Variants in PPIG observed in about 807,000 individuals in gnomAD.
The protein encoded by PPIG is peptidyl-prolyl cis-trans isomerase G.
A neutral mutation model predicts 87.9 loss-of-function variants in PPIG; 26 were observed. The observed-to-expected ratio is 0.30, with a 90% CI of 0.22 to 0.41. PPIG has a LOEUF of 0.41. Among genes scored for constraint, PPIG ranks in the 10% least tolerant of loss-of-function variants. The pLI is 1.00. For synonymous variants in PPIG, 308 were observed against 276.5 expected (o/e 1.11, Z -1.13); for missense variants, 722 against 879.4 (o/e 0.82, Z 2.26).
rs1002294715 is a variant in PPIG, at chr2:169,630,791, A to G, written c.565A>G (p.Lys189Glu). The part of the protein sequence containing the change: ...PKSKVKKEEK[K>E]RHKSSSSSSS... ...TATTAAAGTTAAGAAAGAAGAAAAGAAAAGGCATAAATCATCATCATCTTC... is the reference window on the plus strand; with the variant it reads ...TATTAAAGTTAAGAAAGAAGAAAAGGAAAGGCATAAATCATCATCATCTTC... Residue 189 changes from lysine to glutamate, a missense_variant, in exon 10 of 14, where the codon AAA (lysine) becomes GAA (glutamate). Physicochemically the swap from Lys to Glu is moderately conservative, Grantham distance 56. Transcript: ENST00000260970. The G allele has an allele frequency of 3.8e-6, 6 of 1,596,190 alleles. No individual in the cohort carries two copies. Among genetic ancestry groups the G allele is most frequent in the Non-Finnish European group, 5.1e-6 (6 of 1,175,558 alleles).
intron 9 of PPIG, among the ~76,000 whole-genome samples, chr2:169,620,913 A>G (rs1409115691): frequency 6.6e-6 from 1 of 152,150 alleles, no homozygotes; most frequent in Non-Finnish European, 1.5e-5. Flanking sequence ...GGGAATAATA[A>G]TATCAGTAAT....
chr2:169,616,503 G>C (rs1022005079), intron 9 of PPIG, among the ~76,000 whole-genome samples: 2 of 152,112 alleles, frequency 1.3e-5, no homozygotes, highest in Non-Finnish European at 2.9e-5. Flanking sequence ...ATCCTCTCCG[G>C]CATCTGTTGT....
intron 9 of PPIG, among the ~76,000 whole-genome samples, chr2:169,625,618 GA>G (rs1312516075): frequency 6.6e-6 from 1 of 151,974 alleles, no homozygotes; most frequent in Non-Finnish European, 1.5e-5. Context: ...TATATGAACC[GA>G]TTGTTGATTC....
chr2:169,622,599 T>C (rs915691261), intron 9 of PPIG, among the ~76,000 whole-genome samples: 6 of 152,208 alleles, frequency 3.9e-5, no homozygotes, highest in African/African-American at 9.6e-5. Flanking sequence ...TTTATTAATA[T>C]GTATCTGCCC....
rs972483421 is a variant in PPIG, at chr2:169,639,755, A to G, written c.*2232A>G. ...TAAACAGCATTAACTGTACCTCAGGATCTGCGCATGCATCTGAATAGCACA... is the reference window on the plus strand; with the variant it reads ...TAAACAGCATTAACTGTACCTCAGGGTCTGCGCATGCATCTGAATAGCACA... On this transcript the variant is annotated 3_prime_UTR_variant, in exon 14 of 14. Coordinates refer to ENST00000260970, the MANE Select transcript of PPIG (RefSeq NM_004792.3). The G allele has an allele frequency of 1.3e-5, 2 of 152,164 alleles. No homozygotes were observed. Among genetic ancestry groups the G allele is most frequent in the Non-Finnish European group, 2.9e-5 (2 of 67,996 alleles). The allele number at this position is 152,164 out of a possible 1,614,324, so 9.4% of individuals were successfully genotyped here. A position where few individuals can be genotyped will look rare whatever the true frequency, so the allele number is the denominator to read the frequency against.
chr2:169,625,597 A>G (rs1050303677), intron 9 of PPIG, among the ~76,000 whole-genome samples: 4 of 151,886 alleles, frequency 2.6e-5, no homozygotes, highest in African/African-American at 9.7e-5. Flanking sequence ...AGAGCTATTT[A>G]TGTTTCTTTT....
intron 1 of PPIG, among the ~76,000 whole-genome samples, chr2:169,588,716 C>CT (rs1371871774): frequency 6.6e-6 from 1 of 152,020 alleles, no homozygotes; most frequent in African/African-American, 2.4e-5. Context: ...AATCCCGACA[C>CT]TTTGGGAGGC....
chr2:169,605,051 C>A (rs757114135), intron 4 of PPIG, among the ~76,000 whole-genome samples: 1 of 151,270 alleles, frequency 6.6e-6, no homozygotes, highest in East Asian at 2.0e-4. Flanking sequence ...TGCAAATAAT[C>A]GGCCAGGCGT....
At chr2:169,633,089 A>G in intron 11 of PPIG, 71 bp from the exon 12 acceptor site, 1 of 1,196,234 alleles carries the variant, frequency 8.4e-7, no homozygotes, top group Non-Finnish European at 1.2e-6. Flanking sequence ...ATTCATTTTT[A>G]TTAAAGTAAC....
chr2:169,606,731 A>G (rs1318274481), intron 5 of PPIG, among the ~76,000 whole-genome samples: 1 of 152,068 alleles, frequency 6.6e-6, no homozygotes, highest in Non-Finnish European at 1.5e-5. Context: ...TGATTTTGTC[A>G]CAAGTGGTAA....
chr2:169,608,008 C>T (rs1685379958), intron 6 of PPIG, among the ~76,000 whole-genome samples: 3 of 152,266 alleles, frequency 2.0e-5, no homozygotes, highest in South Asian at 4.1e-4. Flanking sequence ...GCTAGGACTA[C>T]AGCCACACTA....
chr2:169,636,768 T>A lies in PPIG; in HGVS notation c.1510T>A (p.Ser504Thr). The change falls in exon 14 of 14, where the codon TCT becomes ACT. Residue 504 changes from serine (S) to threonine (T), a missense_variant. Physicochemically the swap from Ser to Thr is moderately conservative, Grantham distance 58. Coordinates refer to ENST00000260970, the MANE Select transcript of PPIG (RefSeq NM_004792.3). ...HENVKEKEKQ[S>T]DSKGKDQERS... ...AAATGTTAAAGAAAAAGAAAAGCAG[T>A]CTGATTCTAAAGGAAAAGATCAGGA... is the stretch of plus-strand genomic sequence containing the variant. 6.2e-7 allele frequency: 1 copy of A among 1,612,146 alleles called. No individual in the cohort carries two copies. The highest frequency in any genetic ancestry group is 1.3e-5 in the African/African-American group (1 of 74,780).
intron 1 of PPIG, among the ~76,000 whole-genome samples, chr2:169,596,506 C>T (rs1255729698): frequency 6.6e-6 from 1 of 152,184 alleles, no homozygotes; most frequent in African/African-American, 2.4e-5. Context: ...GAAAGCTCAC[C>T]TCACCTCCTT....
At chr2:169,626,492 A>T (rs1344212977) in intron 9 of PPIG, among the ~76,000 whole-genome samples, 2 of 148,334 alleles carry the variant, frequency 1.3e-5, no homozygotes, top group African/African-American at 5.0e-5. Flanking sequence ...CTCCCAGTTC[A>T]AGAGATTCTC....
chr2:169,601,922 A>T (rs138407901), intron 1 of PPIG, among the ~76,000 whole-genome samples: 324 of 151,966 alleles, frequency 2.1e-3, no homozygotes, highest in African/African-American at 7.4e-3. Context: ...AAAAAAACTC[A>T]GTAACATTTT....
At chr2:169,616,360 C>T (rs1685609010) in intron 9 of PPIG, among the ~76,000 whole-genome samples, 1 of 152,112 alleles carries the variant, frequency 6.6e-6, no homozygotes, top group African/African-American at 2.4e-5. Flanking sequence ...TGGGTATATA[C>T]CTAGTAATGG....
intron 1 of PPIG, among the ~76,000 whole-genome samples, chr2:169,589,049 T>C (rs1684788654): frequency 6.6e-6 from 1 of 152,028 alleles, no homozygotes; most frequent in South Asian, 2.1e-4. Flanking sequence ...TATTTGCTTT[T>C]GTAGTTTGGT....
At chr2:169,598,004 CT>C (rs72191282) in intron 1 of PPIG, among the ~76,000 whole-genome samples, 1,573 of 139,492 alleles carry the variant, frequency 0.011, 27 homozygotes, top group African/African-American at 0.035. Flanking sequence ...CCTGGGCAAC[CT>C]TTTTTTTTTT....
intron 9 of PPIG, among the ~76,000 whole-genome samples, chr2:169,617,269 A>G (rs1225014060): frequency 1.3e-5 from 2 of 152,166 alleles, no homozygotes; most frequent in Non-Finnish European, 2.9e-5. Flanking sequence ...GTAGCCTTGC[A>G]GTATAGTTTG....
Sources: gnomAD v4.1 joint callset for allele counts (sites outside exome capture counted in the v4.1 genomes callset) on GRCh38, gnomAD v4.1.1 for gene constraint, MANE v1.5 for transcripts, NCBI Gene and HGNC (gene_info 2026-07-23, HGNC 2026-07-21) for gene names.